Variants in RALYL observed in about 807,000 individuals in gnomAD.
RALYL encodes the protein RNA-binding Raly-like protein.
Under a neutral mutation model 35.1 loss-of-function variants are expected in RALYL, and 29 were observed. The observed-to-expected ratio is 0.83, with a 90% CI of 0.61 to 1.13. The LOEUF is 1.13. Among genes scored for constraint, RALYL ranks in the 50% most tolerant of loss-of-function variants. The pLI is 0.00. For synonymous variants in RALYL, 120 were observed against 127.6 expected (o/e 0.94, Z 0.40); for missense variants, 359 against 360.4 (o/e 1.00, Z 0.03).
At chr8:84,738,009 T>C (rs572254677) in intron 2 of RALYL, among the ~76,000 whole-genome samples, 22 of 152,170 alleles carry the variant, frequency 1.4e-4, no homozygotes, top group Non-Finnish European at 2.5e-4. Flanking sequence ...TCAGACATTG[T>C]ACTAGGTGTT....
At chr8:84,372,886 G>GTTTTTTTTTTTTTGTTTTGTTTTTTTTT (rs1856071710) in intron 1 of RALYL, among the ~76,000 whole-genome samples, 4 of 39,072 alleles carry the variant, frequency 1.0e-4, no homozygotes, top group Non-Finnish European at 1.8e-4. Context: ...GCCAGCATCT[G>GTTTTTTTTTTTTTGTTTTGTTTTTTTTT]TTTTTTTTTT....
chr8:84,718,880 C>A (rs1438504931), intron 2 of RALYL, among the ~76,000 whole-genome samples: 2 of 152,194 alleles, frequency 1.3e-5, no homozygotes, highest in African/African-American at 4.8e-5. Flanking sequence ...GTTGACATCT[C>A]ACCTTGCATA....
chr8:84,434,302 T>C (rs2047465371), intron 1 of RALYL, among the ~76,000 whole-genome samples: 1 of 152,130 alleles, frequency 6.6e-6, no homozygotes, highest in Non-Finnish European at 1.5e-5. Context: ...AACAGAGTCA[T>C]ATTTTGAGAT....
chr8:84,305,708 G>A (rs943672140), intron 1 of RALYL, among the ~76,000 whole-genome samples: 1 of 152,152 alleles, frequency 6.6e-6, no homozygotes, highest in Non-Finnish European at 1.5e-5. Context: ...CTAATGGTAA[G>A]GAAAACAAGT....
At chr8:84,836,068 C>T (rs932910443) in intron 4 of RALYL, among the ~76,000 whole-genome samples, 1 of 152,108 alleles carries the variant, frequency 6.6e-6, no homozygotes. Context: ...TTTAAGTATG[C>T]TTCCTAACAG....
At chr8:84,244,990 C>T (rs964171465) in intron 1 of RALYL, among the ~76,000 whole-genome samples, 1 of 152,130 alleles carries the variant, frequency 6.6e-6, no homozygotes, top group Admixed American at 6.6e-5. Flanking sequence ...CGCAATTACC[C>T]TTGTTCTTAA....
intron 1 of RALYL, among the ~76,000 whole-genome samples, chr8:84,515,032 T>A (rs1309433581): frequency 6.6e-6 from 1 of 152,198 alleles, no homozygotes; most frequent in Non-Finnish European, 1.5e-5. Flanking sequence ...AAAAATCAGT[T>A]TGGCTTCTGG....
chr8:84,692,139 T>A (rs982665723), intron 2 of RALYL, among the ~76,000 whole-genome samples: 4 of 151,934 alleles, frequency 2.6e-5, no homozygotes, highest in African/African-American at 9.7e-5. Flanking sequence ...TGCTTAGCAA[T>A]GAATTATTGA....
chr8:84,332,122 G>A (rs534443372), intron 1 of RALYL, among the ~76,000 whole-genome samples: 41 of 152,106 alleles, frequency 2.7e-4, no homozygotes, highest in South Asian at 8.3e-4. Context: ...TGCAGGCAAC[G>A]TGGCTCCCTC....
chr8:84,239,752 G>A (rs187444648), intron 1 of RALYL, among the ~76,000 whole-genome samples: 5 of 152,152 alleles, frequency 3.3e-5, no homozygotes, highest in East Asian at 3.9e-4. Flanking sequence ...TTAGCCAGAC[G>A]TGGTGGTGTG....
At position 84,249,655 on chromosome 8, in the gene RALYL, A is replaced by G. The variant is rs559478208; in HGVS notation, c.-24+65231A>G. 2.2e-3 allele frequency among the ~76,000 whole-genome samples: 338 copies of G among 152,218 alleles called. 3 individuals are homozygous for G. The South Asian group carries it at 0.024, about 11-fold the overall frequency. ...TGAGTACATATTTTCTCTGCACTTT[A>G]TGGAAGACTAAACTGAATTCTAGAA... On this transcript the variant is annotated intron_variant, in intron 1 of 8. Coordinates refer to ENST00000521268, the MANE Select transcript of RALYL (RefSeq NM_173848.7).
intron 2 of RALYL, among the ~76,000 whole-genome samples, chr8:84,612,874 C>T (rs73296147): frequency 0.082 from 12,392 of 151,480 alleles, 1,499 homozygotes; most frequent in African/African-American, 0.24. Flanking sequence ...AGTGACACTG[C>T]ACAAAGAAAA....
intron 1 of RALYL, among the ~76,000 whole-genome samples, chr8:84,200,317 T>C (rs1343824271): frequency 6.6e-6 from 1 of 152,142 alleles, no homozygotes. Context: ...GGACTCCAGA[T>C]ACAAAGCTTT....
At chr8:84,915,156 T>G (rs963813500) in intron 8 of RALYL, among the ~76,000 whole-genome samples, 2 of 152,034 alleles carry the variant, frequency 1.3e-5, no homozygotes, top group African/African-American at 4.8e-5. Flanking sequence ...TAAGTGTCAT[T>G]ATGATGATTG....
At chr8:84,756,829 T>C (rs1379319140) in intron 2 of RALYL, among the ~76,000 whole-genome samples, 1 of 152,058 alleles carries the variant, frequency 6.6e-6, no homozygotes, top group African/African-American at 2.4e-5. Context: ...AACACTTTTC[T>C]TTACATAATG....
intron 7 of RALYL, among the ~76,000 whole-genome samples, chr8:84,882,944 A>G (rs1289771871): frequency 6.6e-6 from 1 of 152,096 alleles, no homozygotes; most frequent in African/African-American, 2.4e-5. Flanking sequence ...AAAACTGCCT[A>G]TTAAACTGTG....
At chr8:84,712,261 T>C (rs187639483) in intron 2 of RALYL, among the ~76,000 whole-genome samples, 1 of 152,168 alleles carries the variant, frequency 6.6e-6, no homozygotes, top group South Asian at 2.1e-4. Context: ...GCAGTCTGAA[T>C]GAGCATGCAC....
chr8:84,204,927 T>C (rs1211388656), intron 1 of RALYL, among the ~76,000 whole-genome samples: 1 of 152,196 alleles, frequency 6.6e-6, no homozygotes, highest in Non-Finnish European at 1.5e-5. Context: ...ATTGTTTTTA[T>C]TCCTATTTTA....
At chr8:84,807,307 C>T (rs1049620608) in intron 4 of RALYL, among the ~76,000 whole-genome samples, 3 of 152,190 alleles carry the variant, frequency 2.0e-5, no homozygotes, top group African/African-American at 7.2e-5. Flanking sequence ...GAATAATAGT[C>T]TCCAGTCTCA....
Sources: gnomAD v4.1 joint callset for allele counts (sites outside exome capture counted in the v4.1 genomes callset) on GRCh38, gnomAD v4.1.1 for gene constraint, MANE v1.5 for transcripts, NCBI Gene and HGNC (gene_info 2026-07-23, HGNC 2026-07-21) for gene names.